KRT76: variants seen among roughly 807,000 people sequenced by gnomAD.
KRT76 encodes keratin, type II cytoskeletal 2 oral.
In KRT76, 47 loss-of-function variants were observed where a neutral mutation model predicts 44.9. The observed-to-expected ratio is 1.05, with a 90% CI of 0.83 to 1.33. The LOEUF is 1.33. KRT76 is among the 40% of genes most tolerant of loss of function. The pLI is 0.00. For missense variants in KRT76, 860 were observed against 775.8 expected, an observed-to-expected ratio of 1.11 and a Z score of -1.29; for synonymous variants, 331 against 294.1, an observed-to-expected ratio of 1.13 and a Z score of -1.28.
Position 52,772,138 on chromosome 12 carries a change from C to A in KRT76, c.1093G>T (p.Ala365Ser). 6.2e-7 allele frequency: 1 copy of A among 1,613,326 alleles called. No homozygotes were observed. Among genetic ancestry groups the A allele is most frequent in the Non-Finnish European group, 8.5e-7 (1 of 1,179,556 alleles). The change falls in exon 5 of 9, where the codon GCC (alanine) becomes TCC (serine). Residue 365 changes from alanine (A) to serine (S), a missense_variant. Ala to Ser is a moderately conservative substitution (Grantham distance 99). Transcript: ENST00000332411. ...TCAGCTTCAGACTTGCTCCTCTGGG[C>A]AATCTCCTCATACTGGGCGCGGACC... is the stretch of plus-strand genomic sequence containing the variant. ...AEVRAQYEEI[A>S]QRSKSEAEAL...
At position 52,776,816 on chromosome 12, in the gene KRT76, A is replaced by G. The variant is rs760007522; in HGVS notation, c.476T>C (p.Ile159Thr). The change falls in exon 1 of 9, where the codon ATT becomes ACT. Residue 159 changes from isoleucine (I) to threonine (T), a missense_variant. By Grantham distance (89) the Ile-to-Thr change is moderately conservative. Transcript: ENST00000332411. ...GGFPGGIQEV[I>T]VNQSLLQPLN... Reference sequence around the variant, plus strand: ...GGGCTGCAGGAGACTCTGGTTTACAATCACTTCCTGAATTCCCCCAGGAAA... The same window carrying G: ...GGGCTGCAGGAGACTCTGGTTTACAGTCACTTCCTGAATTCCCCCAGGAAA... 8.7e-6 allele frequency: 14 copies of G among 1,613,918 alleles called. No homozygotes were observed. The highest frequency in any genetic ancestry group is 2.7e-5 in the African/African-American group (2 of 74,874).
At position 52,772,147 on chromosome 12, in the gene KRT76, C is replaced by T. The variant is rs866786823; in HGVS notation, c.1084G>A (p.Glu362Lys). Residue 362 changes from glutamate (E) to lysine (K), a missense_variant, in exon 5 of 9, where the codon GAG becomes AAG. Physicochemically the swap from Glu to Lys is moderately conservative, Grantham distance 56. Transcript: ENST00000332411. ...SIIAEVRAQY[E>K]EIAQRSKSEA... ...GACTTGCTCCTCTGGGCAATCTCCT[C>T]ATACTGGGCGCGGACCTCGGCAATG... is the stretch of plus-strand genomic sequence containing the variant. 2.5e-6 allele frequency: 4 copies of T among 1,613,598 alleles called. No homozygotes were observed. Among genetic ancestry groups the T allele is most frequent in the Admixed American group, 1.7e-5 (1 of 60,002 alleles).
At chr12:52,776,398 T>TA (rs767261121) in intron 1 of KRT76, among the ~76,000 whole-genome samples, 48 of 152,244 alleles carry the variant, frequency 3.2e-4, no homozygotes, top group South Asian at 1.0e-3. Context: ...ATTTCATGAC[T>TA]AAAATGGCTC....
chr12:52,775,124 G>A (rs1939240481), intron 2 of KRT76, among the ~76,000 whole-genome samples: 1 of 152,154 alleles, frequency 6.6e-6, no homozygotes, highest in Non-Finnish European at 1.5e-5. Context: ...CCATCCTAAA[G>A]GATTCTAAAC....
chr12:52,771,002 C>T lies in KRT76; in HGVS notation c.1481G>A (p.Cys494Tyr). 1 of 1,614,162 alleles carries T rather than the reference C, an allele frequency of 6.2e-7. No homozygotes were observed. Among genetic ancestry groups the T allele is most frequent in the Non-Finnish European group, 8.5e-7 (1 of 1,180,054 alleles). The change falls in exon 7 of 9, where the codon TGC becomes TAC. Residue 494 changes from cysteine (C) to tyrosine (Y), a missense_variant. By Grantham distance (194) the Cys-to-Tyr change is radical (BLOSUM62 -2). Coordinates refer to ENST00000332411, the MANE Select transcript of KRT76 (RefSeq NM_015848.4). ...TYRKLLEGEE[C>Y]RMSGECQSAV... ...TGGTGATCCCATGGCCCCTCACCTG[C>T]ACTCCTCTCCCTCCAGCAGCTTGCG...
At chr12:52,774,502 G>A (rs1592294824) in intron 2 of KRT76, among the ~76,000 whole-genome samples, 1 of 152,196 alleles carries the variant, frequency 6.6e-6, no homozygotes, top group African/African-American at 2.4e-5. Context: ...TGGGATTCCT[G>A]CCTGTTAAGG....
intron 8 of KRT76, 152 bp from the exon 9 acceptor site, chr12:52,769,262 G>C (rs1414361921): frequency 1.6e-6 from 1 of 607,496 alleles, no homozygotes; most frequent in East Asian, 2.8e-5. Flanking sequence ...GAGTGAGCCT[G>C]GCCTCTAGTG....
intron 3 of KRT76, 67 bp from the exon 4 acceptor site, chr12:52,772,945 A>T: frequency 1.8e-6 from 2 of 1,097,442 alleles, no homozygotes; most frequent in Non-Finnish European, 2.8e-6. Context: ...GCTCTTTCCT[A>T]AGCCCTCATG....
In KRT76 at chr12:52,776,794, CT is replaced by C. The variant is rs1939267323; in HGVS notation, c.497del (p.Gln166ArgfsTer14). The C allele has an allele frequency of 6.2e-7, 1 of 1,614,032 alleles. No homozygotes were observed. The highest frequency in any genetic ancestry group is 8.5e-7 in the Non-Finnish European group (1 of 1,180,038). On this transcript the variant is annotated frameshift_variant, in exon 1 of 9. Transcript: ENST00000332411. LOFTEE classifies it high-confidence loss of function. Reference sequence around the variant, plus strand: ...GGGGGTCGATCTCCACATTGAGGGGCTGCAGGAGACTCTGGTTTACAATCAC... The same window carrying C: ...GGGGGTCGATCTCCACATTGAGGGGCGCAGGAGACTCTGGTTTACAATCAC... ...QEVIVNQSLLQPLNVEIDPQI... is the reference protein window; with the variant it reads ...QEVIVNQSLLXPLNVEIDPQI...
In KRT76 at chr12:52,768,997, T is replaced by A. The variant is rs1441936083; in HGVS notation, c.1633A>T (p.Ser545Cys). 8.6e-6 allele frequency: 8 copies of A among 926,054 alleles called. No individual in the cohort carries two copies. Among genetic ancestry groups the A allele is most frequent in the Non-Finnish European group, 1.2e-5 (7 of 574,374 alleles). The allele number at this position is 926,054 out of a possible 1,614,324, so 57.4% of individuals were successfully genotyped here. A position where few individuals can be genotyped will look rare whatever the true frequency, so the allele number is the denominator to read the frequency against. ...GGYKGGSSSSSSSGYGVSGGS... is the reference protein window; with the variant it reads ...GGYKGGSSSSCSSGYGVSGGS... ...CCACTGACTCCATAGCCACTGCTGCTGCTGCTGCTGCTGCCGCCTTTGTAG... is the reference window on the plus strand; with the variant it reads ...CCACTGACTCCATAGCCACTGCTGCAGCTGCTGCTGCTGCCGCCTTTGTAG... Residue 545 changes from serine to cysteine, a missense_variant, in exon 9 of 9, where the codon AGC becomes TGC. Coordinates refer to ENST00000332411, the MANE Select transcript of KRT76 (RefSeq NM_015848.4).
chr12:52,771,107 T>G lies in KRT76; in HGVS notation c.1376A>C (p.Asp459Ala), dbSNP rs184808867. 459 of 1,614,140 alleles carry G rather than the reference T, an allele frequency of 2.8e-4. 3 individuals carry two copies. The East Asian group carries it at 9.2e-3, about 32-fold the overall frequency. Residue 459 changes from aspartate (D) to alanine (A), a missense_variant, in exon 7 of 9, where the codon GAT becomes GCT. By Grantham distance (126) the Asp-to-Ala change is moderately radical. Transcript: ENST00000332411. ...DLQTALQKAK[D>A]DLARLLRDYQ... Reference sequence around the variant, plus strand: ...GTCACGCAGGAGCCGAGCCAGGTCATCCTTAGCCTTCTGTAGGGCAGTCTG... The same window carrying G: ...GTCACGCAGGAGCCGAGCCAGGTCAGCCTTAGCCTTCTGTAGGGCAGTCTG...
In KRT76 at chr12:52,774,183, C is replaced by T. The variant is rs561397597; in HGVS notation, c.816-541G>A. Among the ~76,000 whole-genome samples the T allele has an allele frequency of 1.6e-4, 25 of 152,300 alleles. No homozygotes were observed. The South Asian group carries it at 2.1e-3, about 13-fold the overall frequency. On this transcript the variant is annotated intron_variant, in intron 2 of 8. Transcript: ENST00000332411. ...ATTTTGCACTGAGGCCTGAAAATCA[C>T]GTAGCTGGTCCTGTCCAGAGACCTC...
chr12:52,776,543 G>C (rs919532913), intron 1 of KRT76, 149 bp downstream of exon 1: 20 of 1,240,210 alleles, frequency 1.6e-5, no homozygotes, highest in Non-Finnish European at 2.1e-5. Flanking sequence ...AGTGAAAGGG[G>C]CATGATCACT....
rs781193297 is a variant in KRT76, at chr12:52,772,217, C to A, written c.1014G>T (p.Val338=). Residue 338 remains valine, a synonymous_variant, in exon 5 of 9, where the codon GTG becomes GTT. Transcript: ENST00000332411. Reference sequence around the variant, plus strand: ...AGCGGTTGTTGTCCATGGACAGAACCACAGACGTGTCACTGGCATGGCTTT... The same window carrying A: ...AGCGGTTGTTGTCCATGGACAGAACAACAGACGTGTCACTGGCATGGCTTT... ...QMQSHASDTS[V]VLSMDNNRCL... 3.7e-6 allele frequency: 6 copies of A among 1,611,084 alleles called. No individual in the cohort carries two copies. Among genetic ancestry groups the A allele is most frequent in the African/African-American group, 1.3e-5 (1 of 74,848 alleles).
At chr12:52,773,663 C>T (rs1265266463) in intron 2 of KRT76, 21 bp from the exon 3 acceptor site, 3 of 1,600,708 alleles carry the variant, frequency 1.9e-6, no homozygotes, top group Non-Finnish European at 2.6e-6. Flanking sequence ...AAGAGGCACA[C>T]ATTTGAACAC....
Position 52,772,763 on chromosome 12 carries a change from C to T in KRT76, c.972+20G>A. 1 of 1,544,612 alleles carries T rather than the reference C, an allele frequency of 6.5e-7. No individual in the cohort carries two copies. The highest frequency in any genetic ancestry group is 9.0e-7 in the Non-Finnish European group (1 of 1,116,912). ...AGAATCAGACAGGAAGGTTCTGCAG[C>T]TTGCAAACCAAGGAATCACCATCTC... On this transcript the variant is annotated intron_variant, in intron 4 of 8. Coordinates refer to ENST00000332411, the MANE Select transcript of KRT76 (RefSeq NM_015848.4).
Position 52,769,560 on chromosome 12 carries a change from G to T in KRT76, c.1508C>A (p.Ala503Asp), listed in dbSNP as rs1939147598. 1 of 1,613,712 alleles carries T rather than the reference G, an allele frequency of 6.2e-7. No individual in the cohort carries two copies. The highest frequency in any genetic ancestry group is 1.3e-5 in the African/African-American group (1 of 75,040). ...AATGGGCTACTTACAAATGCACACG[G>T]CACTCTGACATTCTCCAGACATCCT... The part of the protein sequence containing the change: ...ECRMSGECQS[A>D]VCISVVSNVT... The change falls in exon 8 of 9, where the codon GCC becomes GAC. Residue 503 changes from alanine to aspartate, a missense_variant. Coordinates refer to ENST00000332411, the MANE Select transcript of KRT76 (RefSeq NM_015848.4).
chr12:52,776,080 C>A (rs534800008), intron 1 of KRT76, among the ~76,000 whole-genome samples: 2 of 151,106 alleles, frequency 1.3e-5, no homozygotes, highest in African/African-American at 4.9e-5. Flanking sequence ...TCAATGAGGT[C>A]TAACATTTCT....
At chr12:52,772,909 A>T (rs1182825315) in intron 3 of KRT76, 31 bp from the exon 4 acceptor site, 2 of 1,530,326 alleles carry the variant, frequency 1.3e-6, no homozygotes, top group African/African-American at 2.7e-5. Context: ...CCAGAGAATG[A>T]CCCTCTGTTC....
Sources: allele counts gnomAD v4.1 joint callset (sites outside exome capture counted in the v4.1 genomes callset), GRCh38; gene constraint gnomAD v4.1.1; transcripts MANE v1.5; gene names NCBI Gene and HGNC (gene_info 2026-07-23, HGNC 2026-07-21).